SERINC5: variants seen among roughly 807,000 people sequenced by gnomAD.
The protein encoded by SERINC5 is chromosome 5 open reading frame 12.
Under a neutral mutation model 63.1 loss-of-function variants are expected in SERINC5, and 41 were observed. The ratio of observed to expected loss-of-function variants is 0.65; its 90% CI spans 0.51 to 0.84. The LOEUF (loss-of-function observed/expected upper bound fraction) is 0.84. Among genes scored for constraint, SERINC5 ranks in the 40% least tolerant of loss-of-function variants. SERINC5 has a pLI of 0.00. For missense variants in SERINC5, 523 were observed against 573.0 expected, an observed-to-expected ratio of 0.91 and a Z score of 0.89; for synonymous variants, 222 against 215.2, an observed-to-expected ratio of 1.03 and a Z score of -0.28.
At chr5:80,199,243 T>C (rs10050783) in intron 2 of SERINC5, among the ~76,000 whole-genome samples, 46,486 of 152,056 alleles carry the variant, frequency 0.31, 7,383 homozygotes, top group African/African-American at 0.33. Flanking sequence ...ATTCAAATCC[T>C]AACCCCACCA....
chr5:80,119,591 C>G (rs966972104), intron 11 of SERINC5, among the ~76,000 whole-genome samples: 16 of 152,304 alleles, frequency 1.1e-4, no homozygotes, highest in African/African-American at 3.6e-4. Flanking sequence ...GATGGAAGGT[C>G]AGCTACACTG....
At chr5:80,127,729 T>A (rs1022450368) in intron 11 of SERINC5, among the ~76,000 whole-genome samples, 2 of 152,178 alleles carry the variant, frequency 1.3e-5, no homozygotes, top group Non-Finnish European at 2.9e-5. Flanking sequence ...TATTATCTAC[T>A]TTTATTTGGT....
chr5:80,166,654 G>T, intron 6 of SERINC5, 176 bp from the exon 7 acceptor site: 1 of 506,124 alleles, frequency 2.0e-6, no homozygotes, highest in Non-Finnish European at 3.6e-6. Flanking sequence ...GATATTAAGG[G>T]GGAGAGAGTT....
chr5:80,222,820 C>T (rs1032929334), intron 1 of SERINC5, among the ~76,000 whole-genome samples: 7 of 151,234 alleles, frequency 4.6e-5, no homozygotes, highest in Non-Finnish European at 8.8e-5. Flanking sequence ...GTGATCCACC[C>T]GCCTCGGCCT....
chr5:80,236,208 C>A (rs537229346), intron 1 of SERINC5, among the ~76,000 whole-genome samples: 1 of 152,112 alleles, frequency 6.6e-6, no homozygotes, highest in South Asian at 2.1e-4. Context: ...ATACTGTGGG[C>A]CAGCCACTGT....
intron 1 of SERINC5, among the ~76,000 whole-genome samples, chr5:80,220,231 AAG>A (rs112165731): frequency 1.3e-3 from 147 of 114,438 alleles, no homozygotes; most frequent in African/African-American, 2.9e-3. Context: ...AAAAAAAAAA[AAG>A]AGAGAGAGAG....
chr5:80,116,375 T>C, intron 11 of SERINC5: 1 of 455,874 alleles, frequency 2.2e-6, no homozygotes, highest in Admixed American at 2.4e-5. Flanking sequence ...TTCCTCTTCC[T>C]GGACAGAGAA....
chr5:80,155,225 C>T (rs1285076760), intron 8 of SERINC5, among the ~76,000 whole-genome samples: 3 of 152,230 alleles, frequency 2.0e-5, no homozygotes, highest in Non-Finnish European at 4.4e-5. Context: ...GGATTTGTCA[C>T]AGCAAAGCTC....
At chr5:80,184,130 T>C (rs1748651290) in intron 2 of SERINC5, among the ~76,000 whole-genome samples, 1 of 151,930 alleles carries the variant, frequency 6.6e-6, no homozygotes, top group African/African-American at 2.4e-5. Flanking sequence ...TAATATTGCT[T>C]TGAATCTCTA....
chr5:80,175,057 A>G lies in SERINC5; in HGVS notation c.458-10T>C. 6.4e-7 allele frequency: 1 copy of G among 1,561,040 alleles called. No individual in the cohort carries two copies. Among genetic ancestry groups the G allele is most frequent in the South Asian group, 1.2e-5 (1 of 84,248 alleles). ...CCCACATAGCGCCAGGCTGCAAAAG[A>G]CCATGAAGAACACAATGAGGCAACC... is the stretch of plus-strand genomic sequence containing the variant. On this transcript the variant is annotated splice_polypyrimidine_tract_variant and intron_variant, in intron 4 of 11. Transcript: ENST00000507668.
intron 2 of SERINC5, among the ~76,000 whole-genome samples, chr5:80,199,194 A>C (rs903125474): frequency 3.3e-5 from 5 of 152,088 alleles, no homozygotes; most frequent in African/African-American, 1.2e-4. Flanking sequence ...CCTCCTCTCT[A>C]GTCACACAGC....
chr5:80,251,287 C>CATAT (rs889945317), intron 1 of SERINC5, among the ~76,000 whole-genome samples: 2 of 33,604 alleles, frequency 6.0e-5, no homozygotes, highest in African/African-American at 1.3e-3. Flanking sequence ...TAAATACATA[C>CATAT]ATGCATACAT....
intron 11 of SERINC5, chr5:80,128,443 C>T (rs994790947): frequency 2.6e-5 from 4 of 152,124 alleles, no homozygotes; most frequent in African/African-American, 9.7e-5. Flanking sequence ...GTCCATTTGT[C>T]AAATGCAATT....
In SERINC5 at chr5:80,146,099, T is replaced by G; in HGVS notation, c.1229A>C (p.Asn410Thr). 1 of 1,613,996 alleles carries G rather than the reference T, an allele frequency of 6.2e-7. No homozygotes were observed. Among genetic ancestry groups the G allele is most frequent in the Non-Finnish European group, 8.5e-7 (1 of 1,179,860 alleles). ...CAAATGGGCCACTCACTTGAACCAG[T>G]TGGTGACGGTCATCATCACATACAG... ...ASLYVMMTVT[N>T]WFNYESANIE... is the part of the protein sequence containing the mutation. Residue 410 changes from asparagine to threonine, a missense_variant, in exon 11 of 12, where the codon AAC becomes ACC. Coordinates refer to ENST00000507668, the MANE Select transcript of SERINC5 (RefSeq NM_001174072.3).
intron 1 of SERINC5, among the ~76,000 whole-genome samples, chr5:80,244,835 C>G (rs923566631): frequency 2.6e-5 from 4 of 151,816 alleles, no homozygotes; most frequent in African/African-American, 9.7e-5. Context: ...AAAACAAAAA[C>G]AAACAAAAAA....
At chr5:80,121,620 T>G (rs1161520301) in intron 11 of SERINC5, among the ~76,000 whole-genome samples, 1 of 152,048 alleles carries the variant, frequency 6.6e-6, no homozygotes, top group Admixed American at 6.5e-5. Context: ...GTTAATCCAT[T>G]TTGCATTGCT....
intron 2 of SERINC5, among the ~76,000 whole-genome samples, chr5:80,179,355 G>A (rs1354970553): frequency 6.6e-6 from 1 of 152,106 alleles, no homozygotes; most frequent in African/African-American, 2.4e-5. Context: ...CTATTAATAC[G>A]CAAAATCCCA....
At chr5:80,161,599 A>G (rs887586416) in intron 7 of SERINC5, among the ~76,000 whole-genome samples, 12 of 152,310 alleles carry the variant, frequency 7.9e-5, no homozygotes, top group African/African-American at 2.9e-4. Context: ...TAAATTCTGC[A>G]TATTGCTCCC....
chr5:80,191,592 GGTT>G (rs1749191252), intron 2 of SERINC5, among the ~76,000 whole-genome samples: 1 of 149,894 alleles, frequency 6.7e-6, no homozygotes, highest in Non-Finnish European at 1.5e-5. Flanking sequence ...GAGCCCCAGA[GGTT>G]AAGCCTGCAG....
Sources: gnomAD v4.1 joint callset for allele counts (sites outside exome capture counted in the v4.1 genomes callset) on GRCh38, gnomAD v4.1.1 for gene constraint, MANE v1.5 for transcripts, NCBI Gene and HGNC (gene_info 2026-07-23, HGNC 2026-07-21) for gene names.